The following PRKN variants were observed in gnomAD, a reference collection of about 807,000 sequenced individuals.
The protein encoded by PRKN is E3 ubiquitin-protein ligase parkin.
A neutral mutation model predicts 59.5 loss-of-function variants in PRKN; 56 were observed. The ratio of observed to expected loss-of-function variants is 0.94; its 90% CI spans 0.76 to 1.18. PRKN has a LOEUF of 1.18. PRKN is among the 50% of genes most tolerant of loss of function. PRKN has a pLI of 0.00. For synonymous variants in PRKN, 250 were observed against 222.1 expected (o/e 1.13, Z -1.12); for missense variants, 657 against 596.4 (o/e 1.10, Z -1.06).
At chr6:162,011,061 AT>A (rs1267028635) in intron 5 of PRKN, among the ~76,000 whole-genome samples, 2 of 13,662 alleles carry the variant, frequency 1.5e-4, no homozygotes, top group Non-Finnish European at 1.9e-4. Context: ...ATATATTATA[AT>A]ATATAATATA....
intron 3 of PRKN, among the ~76,000 whole-genome samples, chr6:162,235,861 G>T (rs1166718942): frequency 1.4e-5 from 2 of 146,952 alleles, no homozygotes; most frequent in African/African-American, 5.0e-5. Context: ...AGGAAAGAAA[G>T]AAAAAGACGG....
At chr6:162,145,917 G>A (rs1488845746) in intron 4 of PRKN, among the ~76,000 whole-genome samples, 1 of 152,206 alleles carries the variant, frequency 6.6e-6, no homozygotes, top group Non-Finnish European at 1.5e-5. Flanking sequence ...CAGTCTGACT[G>A]GTTGCAGACA....
chr6:161,663,655 T>A (rs1784626310), intron 7 of PRKN, among the ~76,000 whole-genome samples: 1 of 152,228 alleles, frequency 6.6e-6, no homozygotes, highest in Non-Finnish European at 1.5e-5. Flanking sequence ...ACTTTATCTG[T>A]CAGGTTAATG....
intron 6 of PRKN, among the ~76,000 whole-genome samples, chr6:161,953,585 C>T (rs1215497363): frequency 2.0e-5 from 3 of 152,100 alleles, no homozygotes; most frequent in Non-Finnish European, 4.4e-5. Context: ...CAGCTAGCAG[C>T]ACAACCACGT....
In PRKN at chr6:161,552,617, A is replaced by G. The variant is rs118151858; in HGVS notation, c.934-3614T>C. ...AAAAACAAAAAACAAAAAACTTTTT[A>G]TTGTAAATATCACATAGAATAAGCT... On this transcript the variant is annotated intron_variant, in intron 8 of 11. Coordinates refer to ENST00000366898, the MANE Select transcript of PRKN (RefSeq NM_004562.3). The surrounding 1 kb of genome is among the most constrained non-coding windows in gnomAD (Gnocchi z 4.9). 3.6e-3 allele frequency among the ~76,000 whole-genome samples: 542 copies of G among 152,126 alleles called. 10 individuals carry two copies. The East Asian group carries it at 0.059, about 17-fold the overall frequency.
chr6:162,542,793 C>T (rs1384527787), intron 1 of PRKN, among the ~76,000 whole-genome samples: 1 of 152,070 alleles, frequency 6.6e-6, no homozygotes, highest in Non-Finnish European at 1.5e-5. Context: ...CCTCCACCTC[C>T]ACCTCCACCC....
At chr6:161,435,072 T>C (rs898752612) in intron 9 of PRKN, among the ~76,000 whole-genome samples, 11 of 152,128 alleles carry the variant, frequency 7.2e-5, no homozygotes, top group African/African-American at 1.9e-4. Context: ...TTTGTTCCAC[T>C]GGTAACTAGG....
chr6:162,047,091 A>G (rs896493613), intron 5 of PRKN, among the ~76,000 whole-genome samples: 12 of 152,174 alleles, frequency 7.9e-5, no homozygotes, highest in Non-Finnish European at 1.2e-4. Flanking sequence ...CCATTCAATC[A>G]TAATCTGAGT....
At position 161,996,544 on chromosome 6, in the gene PRKN, A is replaced by T. The variant is rs561556654; in HGVS notation, c.619-23127T>A. Among the ~76,000 whole-genome samples the T allele has an allele frequency of 3.3e-5, 5 of 152,202 alleles. No homozygotes were observed. In the South Asian group the frequency reaches 1.0e-3, roughly 32 times the overall value. ...TTTACTGAAATTAATTTGCGTCTTTATTTTCCCCAATTTTTAGCTCCTCTT... is the reference window on the plus strand; with the variant it reads ...TTTACTGAAATTAATTTGCGTCTTTTTTTTCCCCAATTTTTAGCTCCTCTT... On this transcript the variant is annotated intron_variant, in intron 5 of 11. Coordinates refer to ENST00000366898, the MANE Select transcript of PRKN (RefSeq NM_004562.3).
intron 5 of PRKN, among the ~76,000 whole-genome samples, chr6:162,045,177 G>C (rs1357374668): frequency 6.6e-6 from 1 of 152,180 alleles, no homozygotes; most frequent in African/African-American, 2.4e-5. Context: ...CATCCTGAAA[G>C]TCAGTCTTTG....
intron 7 of PRKN, among the ~76,000 whole-genome samples, chr6:161,723,455 G>A (rs1424512960): frequency 6.6e-6 from 1 of 152,092 alleles, no homozygotes; most frequent in Non-Finnish European, 1.5e-5. Context: ...CATTGGTGTG[G>A]GAGGGGAAAC....
intron 3 of PRKN, among the ~76,000 whole-genome samples, chr6:162,241,671 T>C (rs1778996063): frequency 6.6e-6 from 1 of 152,172 alleles, no homozygotes; most frequent in African/African-American, 2.4e-5. Context: ...TTTCTTTATT[T>C]TAAACTTTGA....
chr6:162,473,432 C>A (rs148087203), intron 1 of PRKN, among the ~76,000 whole-genome samples: 3 of 152,096 alleles, frequency 2.0e-5, no homozygotes, highest in Non-Finnish European at 4.4e-5. Flanking sequence ...CCTATGTTTG[C>A]CAACATCAAG....
intron 2 of PRKN, among the ~76,000 whole-genome samples, chr6:162,360,030 T>A (rs1377306508): frequency 2.0e-5 from 3 of 152,168 alleles, no homozygotes; most frequent in African/African-American, 7.2e-5. Flanking sequence ...ATTCTCACTT[T>A]TATGTTCTCA....
chr6:162,657,313 G>C (rs1402318017), intron 1 of PRKN, among the ~76,000 whole-genome samples: 1 of 152,178 alleles, frequency 6.6e-6, no homozygotes, highest in Non-Finnish European at 1.5e-5. Flanking sequence ...TATTGCATTT[G>C]TTCAGTATTG....
intron 1 of PRKN, among the ~76,000 whole-genome samples, chr6:162,537,889 T>A (rs62429651): frequency 6.6e-6 from 1 of 152,140 alleles, no homozygotes; most frequent in South Asian, 2.1e-4. Context: ...TCAGGTTCAT[T>A]GTGGGATTTA....
chr6:162,664,343 G>T (rs140425305), intron 1 of PRKN, among the ~76,000 whole-genome samples: 1 of 152,128 alleles, frequency 6.6e-6, no homozygotes, highest in African/African-American at 2.4e-5. Flanking sequence ...GAACAGTGCC[G>T]CAATAAACAT....
chr6:162,094,718 A>C (rs1307457236), intron 4 of PRKN, among the ~76,000 whole-genome samples: 1 of 152,122 alleles, frequency 6.6e-6, no homozygotes, highest in African/African-American at 2.4e-5. Context: ...ATTAGTTTTA[A>C]GTCACTTTAA....
chr6:161,467,055 T>C lies in PRKN; in HGVS notation c.1084-80178A>G, dbSNP rs977119549. On this transcript the variant is annotated intron_variant, in intron 9 of 11. Coordinates refer to ENST00000366898, the MANE Select transcript of PRKN (RefSeq NM_004562.3). The surrounding 1 kb of genome is among the most constrained non-coding windows in gnomAD (Gnocchi z 4.3). ...TCTACATCCCAGAAACCAGGATTGT[T>C]TGCCACTGATTTCATTTTCTTCTCA... Among the ~76,000 whole-genome samples, 1 of 152,218 alleles carries C rather than the reference T, an allele frequency of 6.6e-6. No homozygotes were observed. The highest frequency in any genetic ancestry group is 1.5e-5 in the Non-Finnish European group (1 of 68,042).
Sources: allele counts gnomAD v4.1 joint callset (sites outside exome capture counted in the v4.1 genomes callset), GRCh38; gene constraint gnomAD v4.1.1; non-coding constraint Gnocchi (gnomAD v3.1); transcripts MANE v1.5; gene names NCBI Gene and HGNC (gene_info 2026-07-23, HGNC 2026-07-21).